Variants in NDUFA5 observed in about 807,000 individuals in gnomAD.
NDUFA5 encodes the protein NADH dehydrogenase [ubiquinone] 1 alpha subcomplex subunit 5.
A neutral mutation model predicts 19.8 loss-of-function variants in NDUFA5; 11 were observed. The ratio of observed to expected loss-of-function variants is 0.56; its 90% CI spans 0.35 to 0.92. NDUFA5 has a LOEUF of 0.92. Ranked by LOEUF, NDUFA5 falls within the 40% of genes least tolerant of loss-of-function variation. The pLI is 0.01. For synonymous variants in NDUFA5, 47 were observed against 46.8 expected (o/e 1.00, Z -0.01); for missense variants, 109 against 134.2 (o/e 0.81, Z 0.93).
intron 2 of NDUFA5, 146 bp downstream of exon 2, chr7:123,557,257 TG>T: frequency 1.8e-6 from 2 of 1,100,176 alleles, no homozygotes; most frequent in Non-Finnish European, 1.4e-6. Flanking sequence ...ACGAAGTAGG[TG>T]GACAGCGCCC....
chr7:123,560,616 C>A (rs1192971832), upstream of NDUFA5, among the ~76,000 whole-genome samples: 2 of 152,176 alleles, frequency 1.3e-5, no homozygotes, highest in African/African-American at 4.8e-5. Context: ...GCCAGCAAGA[C>A]AGATTTCATT....
chr7:123,580,134 G>C, the NDUFA5 span, among the ~76,000 whole-genome samples: 2 of 152,078 alleles, frequency 1.3e-5, no homozygotes, highest in East Asian at 3.9e-4. Flanking sequence ...TTAGCAGAAG[G>C]ATTTCTACTG....
At chr7:123,564,150 A>G in the NDUFA5 span, among the ~76,000 whole-genome samples, 19 of 152,208 alleles carry the variant, frequency 1.2e-4, no homozygotes, top group African/African-American at 4.6e-4. Context: ...ATAAAACAAC[A>G]ACAAGAAAAG....
At chr7:123,564,170 A>G in the NDUFA5 span, among the ~76,000 whole-genome samples, 5 of 152,332 alleles carry the variant, frequency 3.3e-5, no homozygotes, top group African/African-American at 1.2e-4. Context: ...GAACACCCAA[A>G]ACAGGTCTCC....
intron 1 of NDUFA5, 139 bp downstream of exon 1, chr7:123,557,636 G>A (rs769532734): frequency 1.2e-6 from 2 of 1,613,604 alleles, no homozygotes; most frequent in Non-Finnish European, 1.7e-6. Context: ...TGCCCTACCC[G>A]GTAAGGCATG....
Position 123,539,001 on chromosome 7 carries a change from T to C in NDUFA5, c.*3118A>G, listed in dbSNP as rs1193121619. 1 of 152,188 alleles carries C rather than the reference T, an allele frequency of 6.6e-6. No individual in the cohort carries two copies. Among genetic ancestry groups the C allele is most frequent in the Admixed American group, 6.5e-5 (1 of 15,272 alleles). The allele number at this position is 152,188 out of a possible 1,614,324, so 9.4% of individuals were successfully genotyped here. Reference sequence around the variant, plus strand: ...ATTGACAATAAAATATAAGCTCTCTTTTCTTCCATCCCCCAATTCTGAGGG... The same window carrying C: ...ATTGACAATAAAATATAAGCTCTCTCTTCTTCCATCCCCCAATTCTGAGGG... On this transcript the variant is annotated 3_prime_UTR_variant, in exon 5 of 5. Transcript: ENST00000355749.
upstream of NDUFA5, among the ~76,000 whole-genome samples, chr7:123,561,467 G>T (rs540085682): frequency 1.8e-4 from 28 of 152,186 alleles, no homozygotes; most frequent in African/African-American, 6.5e-4. Flanking sequence ...TTCTAATTCT[G>T]GTTCTCTTGC....
chr7:123,597,934 G>A, the NDUFA5 span, among the ~76,000 whole-genome samples: 12 of 151,382 alleles, frequency 7.9e-5, no homozygotes, highest in Admixed American at 2.6e-4. Context: ...GTGTGTGTGT[G>A]TGTGTGTGTG....
chr7:123,554,777 G>A (rs1339179030), intron 2 of NDUFA5: 1 of 151,948 alleles, frequency 6.6e-6, no homozygotes, highest in African/African-American at 2.4e-5. Flanking sequence ...TCAACCTCTG[G>A]GGCTCAAGCA....
the NDUFA5 span, among the ~76,000 whole-genome samples, chr7:123,567,256 G>A: frequency 1.5e-4 from 23 of 152,282 alleles, no homozygotes; most frequent in African/African-American, 5.3e-4. Context: ...AATGTGAGTA[G>A]CAAGGGGATC....
chr7:123,597,466 GA>G, the NDUFA5 span, among the ~76,000 whole-genome samples: 2 of 151,990 alleles, frequency 1.3e-5, no homozygotes, highest in East Asian at 1.9e-4. Flanking sequence ...CTATGTATAG[GA>G]AAAAAACCAG....
the NDUFA5 span, among the ~76,000 whole-genome samples, chr7:123,570,238 A>C: frequency 1.3e-5 from 2 of 151,864 alleles, no homozygotes; most frequent in Non-Finnish European, 2.9e-5. Context: ...GGGTTTCACC[A>C]TGTTAGCCAG....
chr7:123,547,395 A>G (rs1171432681), intron 3 of NDUFA5, among the ~76,000 whole-genome samples: 1 of 150,668 alleles, frequency 6.6e-6, no homozygotes, highest in Non-Finnish European at 1.5e-5. Context: ...CTCAGTTTTT[A>G]CTTTTTTTTT....
chr7:123,543,545 A>G (rs1798018966), intron 4 of NDUFA5, among the ~76,000 whole-genome samples: 1 of 152,228 alleles, frequency 6.6e-6, no homozygotes. Flanking sequence ...AAAAGAATGT[A>G]AAATATCTCA....
At chr7:123,559,672 A>C (rs537320993), upstream of NDUFA5, among the ~76,000 whole-genome samples, 9 of 152,200 alleles carry the variant, frequency 5.9e-5, no homozygotes, top group Non-Finnish European at 1.2e-4. Flanking sequence ...CCTGGCCAAC[A>C]TGACAAAACC....
the NDUFA5 span, among the ~76,000 whole-genome samples, chr7:123,597,236 T>C: frequency 6.6e-6 from 1 of 152,228 alleles, no homozygotes; most frequent in Non-Finnish European, 1.5e-5. Flanking sequence ...ATATTCACTC[T>C]GCATATGTCA....
At chr7:123,595,830 T>A in the NDUFA5 span, among the ~76,000 whole-genome samples, 5 of 152,176 alleles carry the variant, frequency 3.3e-5, no homozygotes, top group Admixed American at 2.0e-4. Flanking sequence ...ACACTGTGGG[T>A]GAATGGGCCA....
the NDUFA5 span, among the ~76,000 whole-genome samples, chr7:123,597,233 C>T: frequency 1.1e-4 from 16 of 152,162 alleles, no homozygotes; most frequent in African/African-American, 3.9e-4. Flanking sequence ...AGCATATTCA[C>T]TCTGCATATG....
chr7:123,570,846 CA>C, the NDUFA5 span, among the ~76,000 whole-genome samples: 1 of 152,126 alleles, frequency 6.6e-6, no homozygotes, highest in Non-Finnish European at 1.5e-5. Context: ...TTTACCTGTC[CA>C]TATGGATTTC....
Sources: gnomAD v4.1 joint callset for allele counts (sites outside exome capture counted in the v4.1 genomes callset) on GRCh38, gnomAD v4.1.1 for gene constraint, MANE v1.5 for transcripts, NCBI Gene and HGNC (gene_info 2026-07-23, HGNC 2026-07-21) for gene names.